CFAP61: variants seen among roughly 807,000 people sequenced by gnomAD.
CFAP61 encodes cilia- and flagella-associated protein 61.
CFAP61 carries 107 observed loss-of-function variants against 135.6 expected under a neutral mutation model. The ratio of observed to expected loss-of-function variants is 0.79; its 90% CI spans 0.67 to 0.93. The LOEUF (loss-of-function observed/expected upper bound fraction) is 0.93, where lower values mean the gene tolerates loss of function less well. Ranked by LOEUF, CFAP61 falls within the 40% of genes least tolerant of loss-of-function variation. CFAP61 has a pLI of 0.00. For missense variants in CFAP61, 1,507 were observed against 1,556.2 expected (o/e 0.97, Z 0.53); for synonymous variants, 575 against 578.5 (o/e 0.99, Z 0.09).
intron 10 of CFAP61, among the ~76,000 whole-genome samples, chr20:20,159,940 A>G (rs1320585394): frequency 1.3e-5 from 2 of 152,182 alleles, no homozygotes; most frequent in Non-Finnish European, 2.9e-5. Context: ...TGCAGTGGCT[A>G]TCCCTGGGGA....
chr20:20,216,877 T>A (rs963165288), intron 17 of CFAP61, among the ~76,000 whole-genome samples: 2 of 152,174 alleles, frequency 1.3e-5, no homozygotes, highest in Non-Finnish European at 2.9e-5. Flanking sequence ...CCTGATCTGA[T>A]GTGAAGTATC....
At chr20:20,165,119 T>A (rs367899481) in intron 11 of CFAP61, among the ~76,000 whole-genome samples, 178 of 152,298 alleles carry the variant, frequency 1.2e-3, no homozygotes, top group African/African-American at 4.1e-3. Flanking sequence ...TTCCCTGCTG[T>A]TGGACCCCTT....
intron 8 of CFAP61, among the ~76,000 whole-genome samples, chr20:20,131,460 A>AT (rs1411925979): frequency 6.6e-6 from 1 of 152,092 alleles, no homozygotes; most frequent in African/African-American, 2.4e-5. Context: ...TCAACTTTTA[A>AT]TGTTCAAAGT....
chr20:20,334,518 C>G lies in CFAP61; in HGVS notation c.3423-7313C>G, dbSNP rs138869193. Reference sequence around the variant, plus strand: ...AGAGAGAGGAATTTTACAAGCCATTCAGAAAATAGCTGATTTCTGCTGAAA... The same window carrying G: ...AGAGAGAGGAATTTTACAAGCCATTGAGAAAATAGCTGATTTCTGCTGAAA... On this transcript the variant is annotated intron_variant, in intron 25 of 26. Coordinates refer to ENST00000245957, the MANE Select transcript of CFAP61 (RefSeq NM_015585.4). 1.2e-3 allele frequency among the ~76,000 whole-genome samples: 177 copies of G among 152,280 alleles called. 1 individual carries two copies. The highest frequency in any genetic ancestry group is 4.0e-3 in the African/African-American group (166 of 41,554).
rs111065460 is a variant in CFAP61 at position 20,296,206 on chromosome 20, C to T, written c.3217-1975C>T. 9.1e-4 allele frequency among the ~76,000 whole-genome samples: 74 copies of T among 81,528 alleles called. 1 individual carries two copies. The highest frequency in any genetic ancestry group is 3.5e-3 in the African/African-American group (69 of 19,540). The allele number at this position is 81,528 out of a possible 152,430, so 53.5% of individuals were successfully genotyped here. ...TCCTTCCTTCACCTCCTTCCCTTCT[C>T]TCCTCCCTTCATCCCTTCCTTCCTT... On this transcript the variant is annotated intron_variant, in intron 24 of 26. Transcript: ENST00000245957.
chr20:20,251,710 G>A lies in CFAP61; in HGVS notation c.2275G>A (p.Asp759Asn). 7 of 1,614,150 alleles carry A rather than the reference G, an allele frequency of 4.3e-6. No homozygotes were observed. Among genetic ancestry groups the A allele is most frequent in the Non-Finnish European group, 5.9e-6 (7 of 1,180,038 alleles). Residue 759 changes from aspartate (D) to asparagine (N), a missense_variant, in exon 20 of 27, where the codon GAC becomes AAC. Physicochemically the swap from Asp to Asn is conservative, Grantham distance 23. Coordinates refer to ENST00000245957, the MANE Select transcript of CFAP61 (RefSeq NM_015585.4). ...AGCCAAGCACGTTGTGCTTTCCACG[G>A]ACGAGATCGTGCCCTACGACCACCT... ...RAAKHVVLSTDEIVPYDHLIL... is the reference protein window; with the variant it reads ...RAAKHVVLSTNEIVPYDHLIL...
At chr20:20,290,956 A>G (rs1452454594) in intron 24 of CFAP61, among the ~76,000 whole-genome samples, 2 of 152,232 alleles carry the variant, frequency 1.3e-5, no homozygotes, top group African/African-American at 2.4e-5. Flanking sequence ...ACCGTGAGAT[A>G]ATAAAAATTT....
chr20:20,242,138 T>A (rs2050058439), intron 18 of CFAP61, among the ~76,000 whole-genome samples: 1 of 152,256 alleles, frequency 6.6e-6, no homozygotes. Flanking sequence ...CAACAGATTG[T>A]CAGTAAATTG....
At chr20:20,128,224 T>A (rs940962739) in intron 8 of CFAP61, among the ~76,000 whole-genome samples, 5 of 151,656 alleles carry the variant, frequency 3.3e-5, no homozygotes, top group Admixed American at 1.3e-4. Context: ...CAGTTCAAAT[T>A]GTTACAAACT....
intron 3 of CFAP61, among the ~76,000 whole-genome samples, chr20:20,072,093 T>G (rs1487759293): frequency 4.0e-4 from 3 of 7,418 alleles, no homozygotes; most frequent in African/African-American, 2.7e-3. Context: ...CTAGCAATCT[T>G]TTTTTTTTTT....
intron 25 of CFAP61, among the ~76,000 whole-genome samples, chr20:20,316,097 G>T (rs1445238168): frequency 5.3e-5 from 8 of 151,178 alleles, no homozygotes; most frequent in African/African-American, 1.9e-4. Context: ...TAGCTTGATG[G>T]GGATGGCATT....
At chr20:20,099,310 A>C (rs189964917) in intron 8 of CFAP61, among the ~76,000 whole-genome samples, 32 of 152,310 alleles carry the variant, frequency 2.1e-4, no homozygotes, top group African/African-American at 7.7e-4. Context: ...AACTTGCTTA[A>C]GTTACTTCTA....
intron 22 of CFAP61, among the ~76,000 whole-genome samples, chr20:20,281,228 T>A (rs1319865420): frequency 6.6e-6 from 1 of 152,174 alleles, no homozygotes; most frequent in Non-Finnish European, 1.5e-5. Context: ...GATATTTAGG[T>A]CTTTTATTTC....
At chr20:20,342,806 G>T (rs1283399552) in intron 26 of CFAP61, among the ~76,000 whole-genome samples, 3 of 152,124 alleles carry the variant, frequency 2.0e-5, no homozygotes, top group Non-Finnish European at 4.4e-5. Context: ...TTATCATCTT[G>T]ACTTTCCCAG....
chr20:20,226,594 A>G (rs1417814553), intron 17 of CFAP61, among the ~76,000 whole-genome samples: 1 of 152,172 alleles, frequency 6.6e-6, no homozygotes, highest in East Asian at 1.9e-4. Context: ...TTCCTGTTCT[A>G]TTTCTGTGTG....
chr20:20,259,235 G>A (rs964510517), intron 20 of CFAP61, among the ~76,000 whole-genome samples: 1 of 145,196 alleles, frequency 6.9e-6, no homozygotes, highest in Non-Finnish European at 1.5e-5. Flanking sequence ...AGGAACCCAG[G>A]CCCTTCCATC....
chr20:20,198,598 C>T (rs2056439588), intron 16 of CFAP61, among the ~76,000 whole-genome samples: 1 of 152,124 alleles, frequency 6.6e-6, no homozygotes, highest in South Asian at 2.1e-4. Flanking sequence ...TATAAATCTC[C>T]AGTTGACTAC....
At chr20:20,223,096 T>C (rs937446204) in intron 17 of CFAP61, among the ~76,000 whole-genome samples, 1 of 152,216 alleles carries the variant, frequency 6.6e-6, no homozygotes, top group Admixed American at 6.5e-5. Flanking sequence ...ATTGAGCTCA[T>C]TGTTTTGCCC....
At chr20:20,316,954 G>T (rs1601971731) in intron 25 of CFAP61, 1 of 144,854 alleles carries the variant, frequency 6.9e-6, no homozygotes, top group Admixed American at 6.8e-5. Context: ...TTGGCTCACT[G>T]CAACCTCTGC....
Sources: gnomAD v4.1 joint callset for allele counts (sites outside exome capture counted in the v4.1 genomes callset) on GRCh38, gnomAD v4.1.1 for gene constraint, MANE v1.5 for transcripts, NCBI Gene and HGNC (gene_info 2026-07-23, HGNC 2026-07-21) for gene names.